Variants in KMT5A observed in about 807,000 individuals in gnomAD.
KMT5A encodes the protein lysine methyltransferase 5A.
A neutral mutation model predicts 40.6 loss-of-function variants in KMT5A; 6 were observed. The observed-to-expected ratio is 0.15, with a 90% CI of 0.08 to 0.29. The LOEUF is 0.29. Among genes scored for constraint, KMT5A ranks in the 10% least tolerant of loss-of-function variants. The pLI is 1.00. For missense variants in KMT5A, 308 were observed against 459.1 expected, an observed-to-expected ratio of 0.67 and a Z score of 3.01; for synonymous variants, 153 against 178.8, an observed-to-expected ratio of 0.86 and a Z score of 1.15.
intron 3 of KMT5A, 44 bp downstream of exon 3, chr12:123,390,830 T>A (rs1254885696): frequency 6.2e-7 from 1 of 1,603,954 alleles, no homozygotes; most frequent in Non-Finnish European, 8.5e-7. Context: ...GCTGGTCGGG[T>A]TGCAGAAGCC....
chr12:123,405,467 G>A (rs1025760903), intron 7 of KMT5A, among the ~76,000 whole-genome samples: 1 of 136,724 alleles, frequency 7.3e-6, no homozygotes, highest in Non-Finnish European at 1.5e-5. Flanking sequence ...CACTGCGCTC[G>A]GGCTGTTGTT....
At position 123,390,846 on chromosome 12, in the gene KMT5A, C is replaced by T. The variant is rs1877263442; in HGVS notation, c.289+60C>T. 7 of 1,579,754 alleles carry T rather than the reference C, an allele frequency of 4.4e-6. No homozygotes were observed. The South Asian group carries it at 6.8e-5, about 15-fold the overall frequency. On this transcript the variant is annotated intron_variant, in intron 3 of 7. Transcript: ENST00000402868. The stretch of plus-strand genomic sequence containing the variant: ...CTGGTCGGGTTGCAGAAGCCTCTGT[C>T]CTCTGCAAGAATGCACATATGTATT...
At position 123,384,656 on chromosome 12, in the gene KMT5A, G is replaced by C. The variant is rs550293087; in HGVS notation, c.10+448G>C. 6.6e-6 allele frequency among the ~76,000 whole-genome samples: 1 copy of C among 152,362 alleles called. No individual in the cohort carries two copies. Among genetic ancestry groups the C allele is most frequent in the East Asian group, 1.9e-4 (1 of 5,186 alleles). On this transcript the variant is annotated intron_variant, in intron 1 of 7. Transcript: ENST00000402868. The surrounding 1 kb of genome is among the most constrained non-coding windows in gnomAD (Gnocchi z 5.7). Reference sequence around the variant, plus strand: ...CGCAGATCGATAACCTGCATATTGGGGTGCGCGTCAGGGTGGACACCGCAG... The same window carrying C: ...CGCAGATCGATAACCTGCATATTGGCGTGCGCGTCAGGGTGGACACCGCAG...
chr12:123,395,105 C>A lies in KMT5A; in HGVS notation c.348C>A (p.Ile116=), dbSNP rs780616496. The change falls in exon 4 of 8, where the codon ATC becomes ATA. Residue 116 remains isoleucine (I), a synonymous_variant. Coordinates refer to ENST00000402868, the MANE Select transcript of KMT5A (RefSeq NM_020382.7). ...RSAMKSEEQK[I]KDARKGPLVP... ...CCATGAAGTCCGAGGAACAGAAGAT[C>A]AAAGACGCCAGGAAAGGTCCCCTGG... 10 of 1,599,552 alleles carry A rather than the reference C, an allele frequency of 6.3e-6. No individual in the cohort carries two copies. The highest frequency in any genetic ancestry group is 5.4e-5 in the African/African-American group (4 of 74,574).
rs138065510 is a variant in KMT5A at position 123,408,504 on chromosome 12, TAAAAA to T, written c.*805_*809del. On this transcript the variant is annotated 3_prime_UTR_variant, in exon 8 of 8. Transcript: ENST00000402868. The stretch of plus-strand genomic sequence containing the variant: ...AATAAAAATTTAAAAAAATTAAAAA[TAAAAA>T]AAACCACAGAAAACAACTTTACATG... 1 of 132,040 alleles carries T rather than the reference TAAAAA, an allele frequency of 7.6e-6. No individual in the cohort carries two copies. Among genetic ancestry groups the T allele is most frequent in the African/African-American group, 2.7e-5 (1 of 36,688 alleles). 8.2% of individuals were successfully genotyped at this position (132,040 alleles called of 1,614,324 possible).
intron 5 of KMT5A, among the ~76,000 whole-genome samples, chr12:123,400,154 G>T (rs1044458436): frequency 6.8e-6 from 1 of 146,840 alleles, no homozygotes; most frequent in Admixed American, 6.9e-5. Flanking sequence ...AATTAAAAAG[G>T]CCTCCCAAGT....
intron 1 of KMT5A, among the ~76,000 whole-genome samples, chr12:123,385,445 T>G (rs935064809): frequency 6.6e-6 from 1 of 152,248 alleles, no homozygotes; most frequent in Admixed American, 6.5e-5. Context: ...CTTCCTGGGT[T>G]CATTTTTCTC....
At chr12:123,386,523 A>C (rs28636834) in intron 1 of KMT5A, among the ~76,000 whole-genome samples, 42,836 of 151,986 alleles carry the variant, frequency 0.28, 7,505 homozygotes, top group African/African-American at 0.49. Context: ...GCCAATATTT[A>C]GAATTGTAAA....
At position 123,400,478 on chromosome 12, in the gene KMT5A, A is replaced by T. The variant is rs372828445; in HGVS notation, c.598-3095A>T. ...CAGGTTCAAGCAATTCTCCTGCCTCAACCTCCCAAGTAGCTGGGATTATAG... is the reference window on the plus strand; with the variant it reads ...CAGGTTCAAGCAATTCTCCTGCCTCTACCTCCCAAGTAGCTGGGATTATAG... On this transcript the variant is annotated intron_variant, in intron 5 of 7. Coordinates refer to ENST00000402868, the MANE Select transcript of KMT5A (RefSeq NM_020382.7). Among the ~76,000 whole-genome samples the T allele has an allele frequency of 2.9e-5, 4 of 139,898 alleles. No homozygotes were observed. The South Asian group carries it at 9.1e-4, about 32-fold the overall frequency. The allele number at this position is 139,898 out of a possible 152,430, so 91.8% of individuals were successfully genotyped here. A position where few individuals can be genotyped will look rare whatever the true frequency, so the allele number is the denominator to read the frequency against.
chr12:123,407,080 G>A (rs957786985), intron 7 of KMT5A, among the ~76,000 whole-genome samples: 1 of 142,922 alleles, frequency 7.0e-6, no homozygotes, highest in African/African-American at 2.6e-5. Context: ...GCTCGTGCTT[G>A]TAATCTCAAA....
At position 123,403,102 on chromosome 12, in the gene KMT5A, T is replaced by A. The variant is rs1480349829; in HGVS notation, c.598-471T>A. 1.2e-4 allele frequency among the ~76,000 whole-genome samples: 18 copies of A among 152,330 alleles called. No individual in the cohort carries two copies. The South Asian group carries it at 2.5e-3, about 21-fold the overall frequency. On this transcript the variant is annotated intron_variant, in intron 5 of 7. Coordinates refer to ENST00000402868, the MANE Select transcript of KMT5A (RefSeq NM_020382.7). ...TGTATCTTTAATAGAGACAGGGTTT[T>A]ACCTATTTGCCAGGCTGGTCTCGAA...
chr12:123,389,952 C>T (rs890622682), intron 2 of KMT5A: 16 of 421,292 alleles, frequency 3.8e-5, no homozygotes, highest in Admixed American at 3.0e-4. Context: ...GGCCCCACGC[C>T]CAGAGGCGCC....
chr12:123,403,691 G>C, intron 6 of KMT5A, 59 bp downstream of exon 6: 1 of 1,601,176 alleles, frequency 6.2e-7, no homozygotes, highest in African/African-American at 1.3e-5. Flanking sequence ...CACCTTCCCT[G>C]GTCCCGTGGC....
chr12:123,393,918 AC>A (rs745363789), intron 3 of KMT5A, among the ~76,000 whole-genome samples: 3 of 152,028 alleles, frequency 2.0e-5, no homozygotes, highest in Non-Finnish European at 4.4e-5. Context: ...ATAAACTGTT[AC>A]GTTCCTGCAT....
rs1878644465 is a variant in KMT5A at position 123,407,541 on chromosome 12, C to T, written c.897C>T (p.His299=). 1.2e-6 allele frequency: 2 copies of T among 1,613,832 alleles called. No homozygotes were observed. The highest frequency in any genetic ancestry group is 1.7e-5 in the Admixed American group (1 of 59,986). The part of the protein sequence containing the change: ...ETNRLGRLIN[H]SKCGNCQTKL... ...ATCGCCTAGGAAGACTGATCAATCACAGCAAATGTGGGAACTGCCAAACCA... is the reference window on the plus strand; with the variant it reads ...ATCGCCTAGGAAGACTGATCAATCATAGCAAATGTGGGAACTGCCAAACCA... The change falls in exon 8 of 8, where the codon CAC becomes CAT. Residue 299 remains histidine, a synonymous_variant. Transcript: ENST00000402868.
chr12:123,388,173 C>T (rs1876985169), intron 1 of KMT5A, among the ~76,000 whole-genome samples: 1 of 152,222 alleles, frequency 6.6e-6, no homozygotes, highest in African/African-American at 2.4e-5. Flanking sequence ...AACCCTTCTG[C>T]AAGACCATTT....
intron 3 of KMT5A, among the ~76,000 whole-genome samples, chr12:123,394,104 CTTTTTTTTTTT>C (rs397711320): frequency 6.4e-5 from 8 of 125,076 alleles, no homozygotes; most frequent in African/African-American, 2.4e-4. Flanking sequence ...ATTTTTTTTT[CTTTTTTTTTTT>C]TTTTTTGAGA....
In KMT5A at chr12:123,400,796, G is replaced by T. The variant is rs1004550751; in HGVS notation, c.598-2777G>T. 5.9e-5 allele frequency among the ~76,000 whole-genome samples: 9 copies of T among 152,058 alleles called. No individual in the cohort carries two copies. In the East Asian group the frequency reaches 1.7e-3, roughly 29 times the overall value. On this transcript the variant is annotated intron_variant, in intron 5 of 7. Transcript: ENST00000402868. ...CAACCAACATTGGTATATTACTGTT[G>T]GTTGAAGTTTTTTTTTTGTTTTTTG... is the stretch of plus-strand genomic sequence containing the variant.
chr12:123,397,163 G>A (rs1426637621), intron 5 of KMT5A, among the ~76,000 whole-genome samples: 3 of 152,244 alleles, frequency 2.0e-5, no homozygotes, highest in Non-Finnish European at 4.4e-5. Flanking sequence ...TGGCCTATGC[G>A]GGCCTCCGCT....
Sources: gnomAD v4.1 joint callset for allele counts (sites outside exome capture counted in the v4.1 genomes callset) on GRCh38, gnomAD v4.1.1 for gene constraint, Gnocchi (gnomAD v3.1) non-coding constraint, MANE v1.5 for transcripts, NCBI Gene and HGNC (gene_info 2026-07-23, HGNC 2026-07-21) for gene names.